LOC122539214: variants seen among roughly 807,000 people sequenced by gnomAD.
the LOC122539214 span, among the ~76,000 whole-genome samples, chr19:52,666,335 A>G: frequency 6.6e-6 from 1 of 152,102 alleles, no homozygotes; most frequent in Non-Finnish European, 1.5e-5. Flanking sequence ...AAGCCAGGGT[A>G]AATTTAAAAC....
chr19:52,651,949 A>G, the LOC122539214 span: 91,342 of 176,126 alleles, frequency 0.52, 24,533 homozygotes, highest in East Asian at 0.71. Flanking sequence ...TAGTCAATGC[A>G]GAATTGACTC....
chr19:52,658,495 G>T, the LOC122539214 span, among the ~76,000 whole-genome samples: 1 of 152,138 alleles, frequency 6.6e-6, no homozygotes, highest in East Asian at 1.9e-4. Flanking sequence ...GAATCCAGAG[G>T]CAGAGGCTGG....
chr19:52,682,713 G>C, the LOC122539214 span, among the ~76,000 whole-genome samples: 1 of 127,854 alleles, frequency 7.8e-6, no homozygotes, highest in African/African-American at 2.6e-5. Context: ...AAAAGAAAAA[G>C]AAAAGATGTA....
At chr19:52,652,377 G>A in the LOC122539214 span, 3,579 of 316,432 alleles carry the variant, frequency 0.011, 122 homozygotes, top group East Asian at 0.069. Context: ...GGAGGTTGCC[G>A]TGAGCCGAGA....
At chr19:52,664,687 A>C in the LOC122539214 span, among the ~76,000 whole-genome samples, 4 of 136,772 alleles carry the variant, frequency 2.9e-5, no homozygotes, top group Admixed American at 3.2e-4. Flanking sequence ...CCAGGAAGGG[A>C]TGCAGATTAA....
the LOC122539214 span, chr19:52,651,400 G>C: frequency 1.4e-4 from 21 of 152,304 alleles, no homozygotes; most frequent in African/African-American, 4.6e-4. Context: ...TCTTGAGGAG[G>C]TGTTAGAAAA....
chr19:52,678,058 A>C, the LOC122539214 span, among the ~76,000 whole-genome samples: 1,167 of 151,636 alleles, frequency 7.7e-3, 19 homozygotes, highest in African/African-American at 0.026. Flanking sequence ...ACAAAAAACA[A>C]AACAAAACAG....
At chr19:52,684,595 A>T in the LOC122539214 span, among the ~76,000 whole-genome samples, 1 of 149,450 alleles carries the variant, frequency 6.7e-6, no homozygotes, top group African/African-American at 2.5e-5. Flanking sequence ...TTCTGATATG[A>T]TTGATGCAGA....
chr19:52,687,588 ATATATAT>A, the LOC122539214 span, among the ~76,000 whole-genome samples: 1 of 44,014 alleles, frequency 2.3e-5, no homozygotes, highest in African/African-American at 2.9e-4. Flanking sequence ...TTATATATAT[ATATATAT>A]AATGTATATA....
At chr19:52,666,699 A>C in the LOC122539214 span, among the ~76,000 whole-genome samples, 2 of 152,148 alleles carry the variant, frequency 1.3e-5, no homozygotes, top group Non-Finnish European at 2.9e-5. Flanking sequence ...TCTGGTAGAA[A>C]AAGATGATTT....
the LOC122539214 span, among the ~76,000 whole-genome samples, chr19:52,687,810 G>A: frequency 6.7e-6 from 1 of 148,840 alleles, no homozygotes; most frequent in African/African-American, 2.5e-5. Flanking sequence ...GAGTGATACA[G>A]CCAGACCCTG....
the LOC122539214 span, among the ~76,000 whole-genome samples, chr19:52,675,272 T>C: frequency 6.6e-6 from 1 of 152,324 alleles, no homozygotes; most frequent in Non-Finnish European, 1.5e-5. Flanking sequence ...AATTTGCATG[T>C]ACGGTAAGTG....
At chr19:52,675,319 C>T in the LOC122539214 span, among the ~76,000 whole-genome samples, 3 of 152,158 alleles carry the variant, frequency 2.0e-5, no homozygotes, top group East Asian at 3.8e-4. Flanking sequence ...AAGGATCCCA[C>T]GACATGTACT....
At chr19:52,663,565 CTTGAACTAAAT>C in the LOC122539214 span, among the ~76,000 whole-genome samples, 2 of 152,148 alleles carry the variant, frequency 1.3e-5, no homozygotes, top group African/African-American at 4.8e-5. Context: ...TAATAGGCTA[CTTGAACTAAAT>C]TTTGATGTTA....
chr19:52,675,533 C>T, the LOC122539214 span, among the ~76,000 whole-genome samples: 2 of 152,052 alleles, frequency 1.3e-5, no homozygotes, highest in Non-Finnish European at 2.9e-5. Context: ...AAGCGGCCTC[C>T]TATAATTTTG....
chr19:52,652,751 C>T, the LOC122539214 span: 7 of 782,950 alleles, frequency 8.9e-6, no homozygotes, highest in Non-Finnish European at 1.3e-5. Flanking sequence ...CCATGGATTG[C>T]TTGATGATGA....
chr19:52,678,324 C>A, the LOC122539214 span, among the ~76,000 whole-genome samples: 11 of 151,216 alleles, frequency 7.3e-5, no homozygotes, highest in African/African-American at 2.7e-4. Flanking sequence ...GTGGCAGGCG[C>A]CTATAATCCC....
chr19:52,682,251 C>T, the LOC122539214 span, among the ~76,000 whole-genome samples: 8 of 152,004 alleles, frequency 5.3e-5, no homozygotes, highest in Non-Finnish European at 1.0e-4. Context: ...GTGTTTTCTA[C>T]GTAACCATGG....
the LOC122539214 span, among the ~76,000 whole-genome samples, chr19:52,686,904 G>A: frequency 6.6e-6 from 1 of 151,960 alleles, no homozygotes; most frequent in African/African-American, 2.4e-5. Context: ...ACTATGGGCT[G>A]GGTGCAGTGG....
Sources: allele counts gnomAD v4.1 joint callset (sites outside exome capture counted in the v4.1 genomes callset), GRCh38; gene constraint gnomAD v4.1.1; transcripts MANE v1.5.